Variants in FRMD5 observed in about 807,000 individuals in gnomAD.
FRMD5 encodes FERM domain containing 5, also known as FERM domain-containing protein 5.
In FRMD5, 20 loss-of-function variants were observed where a neutral mutation model predicts 69.0. The observed-to-expected ratio is 0.29, with a 90% confidence interval of 0.20 to 0.42. The LOEUF is 0.42. Ranked by LOEUF, FRMD5 falls within the 10% of genes least tolerant of loss-of-function variation. The pLI is 1.00. For missense variants in FRMD5, 595 were observed against 708.6 expected (o/e 0.84, Z 1.82); for synonymous variants, 271 against 260.1 (o/e 1.04, Z -0.40).
intron 1 of FRMD5, among the ~76,000 whole-genome samples, chr15:43,932,194 T>C (rs2089687332): frequency 6.6e-6 from 1 of 152,224 alleles, no homozygotes. Context: ...TGGACTTGAA[T>C]GCACAAGGCC....
At chr15:44,198,090 G>A (rs922870141), upstream of FRMD5, among the ~76,000 whole-genome samples, 2 of 152,062 alleles carry the variant, frequency 1.3e-5, no homozygotes, top group Admixed American at 6.6e-5. Context: ...CAGGCAGATC[G>A]CTTGAGCTCA....
chr15:44,119,554 A>G (rs577942328), intron 1 of FRMD5, among the ~76,000 whole-genome samples: 59 of 152,216 alleles, frequency 3.9e-4, no homozygotes, highest in African/African-American at 1.4e-3. Context: ...CCTGGGAGGG[A>G]TATTTTAAAC....
intron 1 of FRMD5, among the ~76,000 whole-genome samples, chr15:44,082,132 A>T (rs1894021127): frequency 6.6e-6 from 1 of 151,942 alleles, no homozygotes; most frequent in African/African-American, 2.4e-5. Context: ...AATTTCACAC[A>T]AATTCTTTCT....
intron 4 of FRMD5, among the ~76,000 whole-genome samples, chr15:43,917,323 T>G (rs57710826): frequency 0.027 from 4,076 of 152,226 alleles, 168 homozygotes; most frequent in African/African-American, 0.093. Context: ...CAGACAGAAG[T>G]TCAGAGCTAA....
chr15:44,020,056 C>T (rs1371933437), intron 1 of FRMD5, among the ~76,000 whole-genome samples: 1 of 151,858 alleles, frequency 6.6e-6, no homozygotes, highest in African/African-American at 2.4e-5. Flanking sequence ...ATATACGAAT[C>T]CTTATCTCTA....
intron 1 of FRMD5, among the ~76,000 whole-genome samples, chr15:44,027,651 G>GTTTTTTTTTTTTT (rs759567597): frequency 2.7e-5 from 2 of 73,938 alleles, no homozygotes; most frequent in African/African-American, 6.6e-5. Flanking sequence ...TTTTTTTTTT[G>GTTTTTTTTTTTTT]TTTTTTTTTT....
chr15:43,918,830 G>T (rs2089442397), intron 4 of FRMD5: 1 of 155,610 alleles, frequency 6.4e-6, no homozygotes, highest in Non-Finnish European at 1.4e-5. Flanking sequence ...GGGAAGCTTT[G>T]AAGCTCTCAC....
intron 1 of FRMD5, among the ~76,000 whole-genome samples, chr15:44,123,344 C>CAA (rs35476491): frequency 0.021 from 3,114 of 147,154 alleles, 51 homozygotes; most frequent in Middle Eastern, 0.059. Flanking sequence ...AACTCCATCT[C>CAA]AAAAAAAAAA....
At chr15:43,881,064 T>C (rs960099746) in intron 13 of FRMD5, among the ~76,000 whole-genome samples, 2 of 152,202 alleles carry the variant, frequency 1.3e-5, no homozygotes, top group African/African-American at 4.8e-5. Flanking sequence ...GCCTCAGCCC[T>C]CCCTCTTTTG....
chr15:44,150,132 C>T (rs2077420318), intron 1 of FRMD5, among the ~76,000 whole-genome samples: 1 of 151,988 alleles, frequency 6.6e-6, no homozygotes, highest in African/African-American at 2.4e-5. Context: ...AAACATTCAA[C>T]AAACTAGGAA....
intron 1 of FRMD5, among the ~76,000 whole-genome samples, chr15:44,094,385 C>T (rs1240886858): frequency 6.6e-6 from 1 of 152,168 alleles, no homozygotes; most frequent in East Asian, 1.9e-4. Flanking sequence ...GGTCTGGCAA[C>T]CTCTACATCC....
In FRMD5 at chr15:44,170,307, G is replaced by A. The variant is rs550081025; in HGVS notation, c.102+24646C>T. ...GGAGGCCAAGACAGGCAGATCACCT[G>A]AGGTCGGCAGTTCGAGACCAGCCTG... On this transcript the variant is annotated intron_variant, in intron 1 of 13. Coordinates refer to ENST00000417257, the MANE Select transcript of FRMD5 (RefSeq NM_032892.5). Among the ~76,000 whole-genome samples the A allele has an allele frequency of 5.9e-5, 9 of 152,270 alleles. No homozygotes were observed. The South Asian group carries it at 1.7e-3, about 28-fold the overall frequency.
At chr15:44,155,202 G>A (rs145149267) in intron 1 of FRMD5, among the ~76,000 whole-genome samples, 2 of 152,248 alleles carry the variant, frequency 1.3e-5, no homozygotes, top group Non-Finnish European at 2.9e-5. Context: ...GGGAGGCCAA[G>A]GCAGGCAGAT....
chr15:43,960,439 C>T (rs140088397), intron 1 of FRMD5, among the ~76,000 whole-genome samples: 10 of 152,224 alleles, frequency 6.6e-5, no homozygotes, highest in East Asian at 1.9e-4. Context: ...TTAGTAGAGA[C>T]GGGGTTTCAC....
intron 1 of FRMD5, among the ~76,000 whole-genome samples, chr15:43,941,457 T>C (rs1323092627): frequency 6.6e-6 from 1 of 152,222 alleles, no homozygotes; most frequent in African/African-American, 2.4e-5. Context: ...AGATGCTCTT[T>C]TCTGAGCTTC....
At chr15:43,879,999 G>A (rs944709733) in intron 13 of FRMD5, among the ~76,000 whole-genome samples, 17 of 152,184 alleles carry the variant, frequency 1.1e-4, no homozygotes, top group Non-Finnish European at 1.8e-4. Flanking sequence ...CCTGAGGCCT[G>A]GATAAGGGCT....
At chr15:43,948,949 T>C (rs990540147) in intron 1 of FRMD5, among the ~76,000 whole-genome samples, 1 of 152,252 alleles carries the variant, frequency 6.6e-6, no homozygotes, top group Admixed American at 6.5e-5. Context: ...TCTTTCCTAT[T>C]TGCCATCTGT....
rs116356388 is a variant in FRMD5, at chr15:43,873,449, G to A, written c.*436C>T. 1.6e-3 allele frequency: 2,216 copies of A among 1,429,492 alleles called. 35 individuals are homozygous for A. In the African/African-American group the frequency reaches 0.028, roughly 18 times the overall value. 88.6% of individuals were successfully genotyped at this position (1,429,492 alleles called of 1,614,324 possible). A position where few individuals can be genotyped will look rare whatever the true frequency, so the allele number is the denominator to read the frequency against. ...GAACCCAGTGGCACCAGCAGGAAAAGCTCCTGCAGAATACAGAGGACAGCA... is the reference window on the plus strand; with the variant it reads ...GAACCCAGTGGCACCAGCAGGAAAAACTCCTGCAGAATACAGAGGACAGCA... On this transcript the variant is annotated 3_prime_UTR_variant, in exon 14 of 14. Coordinates refer to ENST00000417257, the MANE Select transcript of FRMD5 (RefSeq NM_032892.5).
intron 13 of FRMD5, chr15:43,875,777 T>C (rs1261486150): frequency 1.5e-5 from 9 of 587,572 alleles, no homozygotes; most frequent in Admixed American, 9.9e-5. Flanking sequence ...AGATTCTGCC[T>C]TTCTTGCCTT....
Sources: gnomAD v4.1 joint callset for allele counts (sites outside exome capture counted in the v4.1 genomes callset) on GRCh38, gnomAD v4.1.1 for gene constraint, MANE v1.5 for transcripts, NCBI Gene and HGNC (gene_info 2026-07-23, HGNC 2026-07-21) for gene names.